The following MCC variants were observed in gnomAD, a reference collection of about 807,000 sequenced individuals.
The protein encoded by MCC is colorectal mutant cancer protein.
In MCC, 90 loss-of-function variants were observed where a neutral mutation model predicts 116.2. The observed-to-expected ratio is 0.77, with a 90% CI of 0.65 to 0.92. The LOEUF (loss-of-function observed/expected upper bound fraction) is 0.92. Among genes scored for constraint, MCC ranks in the 40% least tolerant of loss-of-function variants. The pLI is 0.00. For synonymous variants in MCC, 578 were observed against 510.5 expected, an observed-to-expected ratio of 1.13 and a Z score of -1.78; for missense variants, 1,516 against 1,312.2, an observed-to-expected ratio of 1.16 and a Z score of -2.40.
At chr5:113,289,632 C>A (rs1766407887) in intron 3 of MCC, among the ~76,000 whole-genome samples, 1 of 152,122 alleles carries the variant, frequency 6.6e-6, no homozygotes, top group South Asian at 2.1e-4. Context: ...GCCCAAGCCA[C>A]ATAGGGATGC....
intron 3 of MCC, among the ~76,000 whole-genome samples, chr5:113,182,546 A>G (rs534380127): frequency 4.6e-5 from 7 of 152,256 alleles, no homozygotes; most frequent in Non-Finnish European, 7.4e-5. Flanking sequence ...CACTGAGCCA[A>G]TATCGTACCA....
chr5:113,137,022 T>A (rs1320650335), intron 5 of MCC, among the ~76,000 whole-genome samples: 1 of 152,152 alleles, frequency 6.6e-6, no homozygotes, highest in Admixed American at 6.5e-5. Flanking sequence ...TTTTGAGATA[T>A]GTGTATTAGT....
chr5:113,479,059 A>G (rs908216596), intron 1 of MCC, among the ~76,000 whole-genome samples: 1 of 152,176 alleles, frequency 6.6e-6, no homozygotes, highest in South Asian at 2.1e-4. Context: ...AATAGCCTCA[A>G]ACTAGATACA....
At chr5:113,044,147 T>C (rs972664900) in intron 16 of MCC, among the ~76,000 whole-genome samples, 9 of 152,200 alleles carry the variant, frequency 5.9e-5, no homozygotes, top group Non-Finnish European at 1.3e-4. Context: ...GTGAATATCC[T>C]TGGTGCCCCA....
intron 17 of MCC, among the ~76,000 whole-genome samples, chr5:113,032,925 G>C (rs1008356687): frequency 6.6e-6 from 1 of 152,204 alleles, no homozygotes; most frequent in Admixed American, 6.5e-5. Flanking sequence ...ACCCTATAAC[G>C]TCTAAAAAGG....
intron 1 of MCC, among the ~76,000 whole-genome samples, chr5:113,472,818 G>C (rs1160539788): frequency 6.6e-6 from 1 of 152,238 alleles, no homozygotes; most frequent in Non-Finnish European, 1.5e-5. Flanking sequence ...GTTAGAGACA[G>C]ATTAACATGG....
chr5:113,049,085 G>C lies in MCC; in HGVS notation c.2655+8C>G, dbSNP rs374164132. 186 of 1,614,032 alleles carry C rather than the reference G, an allele frequency of 1.2e-4. 1 individual carries two copies. The South Asian group carries it at 1.8e-3, about 16-fold the overall frequency. Reference sequence around the variant, plus strand: ...CCTAAGGGTGTCCCCAAGCCACTCCGGCCCTACCTTGCCAGGTTTGTCTTT... The same window carrying C: ...CCTAAGGGTGTCCCCAAGCCACTCCCGCCCTACCTTGCCAGGTTTGTCTTT... On this transcript the variant is annotated splice_region_variant and intron_variant, in intron 16 of 18. Transcript: ENST00000408903.
At chr5:113,323,735 C>T (rs1462404360) in intron 3 of MCC, among the ~76,000 whole-genome samples, 3 of 152,202 alleles carry the variant, frequency 2.0e-5, no homozygotes, top group African/African-American at 4.8e-5. Flanking sequence ...AAAAATCTCA[C>T]GTGGGCCTGG....
intron 3 of MCC, among the ~76,000 whole-genome samples, chr5:113,183,533 A>G (rs78050973): frequency 0.095 from 14,410 of 151,962 alleles, 1,183 homozygotes; most frequent in African/African-American, 0.22. Flanking sequence ...CCCCCTCCCA[A>G]GGGTTTTGGT....
intron 3 of MCC, among the ~76,000 whole-genome samples, chr5:113,339,174 CAA>C: frequency 6.7e-6 from 1 of 149,680 alleles, no homozygotes; most frequent in African/African-American, 2.5e-5. Context: ...TGCAGTGAGC[CAA>C]GACTGCGCAA....
chr5:113,233,156 CAGAGG>C (rs1470730714), intron 3 of MCC, among the ~76,000 whole-genome samples: 6 of 152,190 alleles, frequency 3.9e-5, no homozygotes, highest in African/African-American at 1.4e-4. Flanking sequence ...CTGAGGCTAT[CAGAGG>C]AGAGGAAACA....
At chr5:113,063,093 TC>T (rs1388007472) in intron 14 of MCC, among the ~76,000 whole-genome samples, 1 of 152,226 alleles carries the variant, frequency 6.6e-6, no homozygotes, top group Non-Finnish European at 1.5e-5. Flanking sequence ...ACTGACATTA[TC>T]TCTGAGCCAA....
At chr5:113,220,477 T>C (rs2150328724) in intron 3 of MCC, among the ~76,000 whole-genome samples, 1 of 152,310 alleles carries the variant, frequency 6.6e-6, no homozygotes, top group South Asian at 2.1e-4. Flanking sequence ...AGCAGCTTGC[T>C]CCATTTATTT....
At chr5:113,141,155 C>G (rs1759158144) in intron 5 of MCC, among the ~76,000 whole-genome samples, 1 of 152,168 alleles carries the variant, frequency 6.6e-6, no homozygotes. Flanking sequence ...TTTCTCCTGC[C>G]CGTGGACATC....
At chr5:113,347,711 A>G (rs1459343534) in intron 2 of MCC, among the ~76,000 whole-genome samples, 2 of 152,122 alleles carry the variant, frequency 1.3e-5, no homozygotes, top group East Asian at 3.8e-4. Context: ...AAATGGCAAG[A>G]GTAAGTCCTT....
chr5:113,422,933 C>T (rs971872808), intron 1 of MCC, among the ~76,000 whole-genome samples: 3 of 152,190 alleles, frequency 2.0e-5, no homozygotes, highest in African/African-American at 7.2e-5. Flanking sequence ...TACAGGAGAT[C>T]CCCATGACTC....
At position 113,434,811 on chromosome 5, in the gene MCC, C is replaced by T. The variant is rs1477878000; in HGVS notation, c.171-49599G>A. The T allele has an allele frequency of 3.7e-6, 6 of 1,612,054 alleles. No individual in the cohort carries two copies. The highest frequency in any genetic ancestry group is 1.7e-5 in the Admixed American group (1 of 59,984). On this transcript the variant is annotated intron_variant, in intron 1 of 18. Transcript: ENST00000408903. This position sits in a 1 kb window ranked among gnomAD's most constrained non-coding sequence, Gnocchi z 4.2. The stretch of plus-strand genomic sequence containing the variant: ...TAAATTTATCCCCAGGAGGTAGCCT[C>T]GTCGCTTGAGGACAGCAGCGTCATC...
intron 1 of MCC, among the ~76,000 whole-genome samples, chr5:113,401,131 C>G (rs1185693731): frequency 6.6e-6 from 1 of 152,108 alleles, no homozygotes; most frequent in Non-Finnish European, 1.5e-5. Context: ...AATAATACTT[C>G]CAGAATAGTT....
chr5:113,111,647 C>G (rs561429379), intron 6 of MCC, among the ~76,000 whole-genome samples: 14 of 152,306 alleles, frequency 9.2e-5, no homozygotes, highest in African/African-American at 3.4e-4. Flanking sequence ...TCAGTGACCA[C>G]AAATACACTA....
Sources: allele counts gnomAD v4.1 joint callset (sites outside exome capture counted in the v4.1 genomes callset), GRCh38; gene constraint gnomAD v4.1.1; non-coding constraint Gnocchi (gnomAD v3.1); transcripts MANE v1.5; gene names NCBI Gene and HGNC (gene_info 2026-07-23, HGNC 2026-07-21).